SMARCAL1: variants seen among roughly 807,000 people sequenced by gnomAD.
SMARCAL1 encodes ATP-driven annealing helicase.
In SMARCAL1, 58 loss-of-function variants were observed where a neutral mutation model predicts 94.5. The ratio of observed to expected loss-of-function variants is 0.61; its 90% CI spans 0.50 to 0.76. The LOEUF is 0.76. Among genes scored for constraint, SMARCAL1 ranks in the 30% least tolerant of loss-of-function variants. SMARCAL1 has a pLI of 0.00. For missense variants in SMARCAL1, 1,051 were observed against 1,177.9 expected (o/e 0.89, Z 1.58); for synonymous variants, 422 against 455.1 (o/e 0.93, Z 0.93).
At chr2:216,462,982 A>G (rs1211349306) in intron 12 of SMARCAL1, among the ~76,000 whole-genome samples, 4 of 152,158 alleles carry the variant, frequency 2.6e-5, no homozygotes, top group Non-Finnish European at 5.9e-5. Flanking sequence ...CCCTGTCTCA[A>G]AAACAAAAAC....
Position 216,414,801 on chromosome 2 carries a change from C to T in SMARCAL1, c.97C>T (p.His33Tyr). ...RRAEKLLAEQ[H>Y]QRTSSGTSIA... ...AGCTGAGAAGTTATTGGCAGAACAGCATCAGAGGACTAGCTCGGGCACCTC... is the reference window on the plus strand; with the variant it reads ...AGCTGAGAAGTTATTGGCAGAACAGTATCAGAGGACTAGCTCGGGCACCTC... The change falls in exon 3 of 18, where the codon CAT (histidine) becomes TAT (tyrosine). Residue 33 changes from histidine (H) to tyrosine (Y), a missense_variant. This residue lies in a region of SMARCAL1 where 398 missense variants were observed against 395.2 expected (regional missense o/e 1.01). Coordinates refer to ENST00000357276, the MANE Select transcript of SMARCAL1 (RefSeq NM_014140.4). 6.2e-7 allele frequency: 1 copy of T among 1,614,216 alleles called. No homozygotes were observed. The highest frequency in any genetic ancestry group is 1.6e-4 in the Middle Eastern group (1 of 6,062).
chr2:216,428,349 T>A (rs1028509370), intron 6 of SMARCAL1, among the ~76,000 whole-genome samples: 2 of 152,194 alleles, frequency 1.3e-5, no homozygotes, highest in East Asian at 3.8e-4. Flanking sequence ...TAAAATCAGG[T>A]GAGACTACAT....
At chr2:216,479,683 C>G (rs1216933353) in intron 17 of SMARCAL1, among the ~76,000 whole-genome samples, 1 of 152,034 alleles carries the variant, frequency 6.6e-6, no homozygotes, top group Non-Finnish European at 1.5e-5. Context: ...TTAAAACAAC[C>G]TTATTTTTAA....
At chr2:216,434,325 A>G (rs1694027967) in intron 8 of SMARCAL1, among the ~76,000 whole-genome samples, 1 of 152,150 alleles carries the variant, frequency 6.6e-6, no homozygotes, top group Non-Finnish European at 1.5e-5. Flanking sequence ...AGATGCTCAG[A>G]TTGCCAGAGA....
At chr2:216,417,671 C>T (rs924887982) in intron 4 of SMARCAL1, among the ~76,000 whole-genome samples, 3 of 152,152 alleles carry the variant, frequency 2.0e-5, no homozygotes, top group East Asian at 1.9e-4. Context: ...CAACCCATAA[C>T]GCTGCTGCTG....
At chr2:216,422,043 C>A (rs1693733518) in intron 5 of SMARCAL1, among the ~76,000 whole-genome samples, 1 of 152,128 alleles carries the variant, frequency 6.6e-6, no homozygotes, top group Non-Finnish European at 1.5e-5. Flanking sequence ...AGATCCTTTG[C>A]CTTTCCTGCC....
At position 216,467,983 on chromosome 2, in the gene SMARCAL1, G is replaced by A. The variant is rs1694866311; in HGVS notation, c.2181G>A (p.Lys727=). 2 of 1,613,888 alleles carry A rather than the reference G, an allele frequency of 1.2e-6. No homozygotes were observed. Among genetic ancestry groups the A allele is most frequent in the South Asian group, 2.2e-5 (2 of 91,074 alleles). Residue 727 remains lysine (K), a synonymous_variant, in exon 14 of 18, where the codon AAG becomes AAA. Coordinates refer to ENST00000357276, the MANE Select transcript of SMARCAL1 (RefSeq NM_014140.4). ...ILDLLESGRE[K]FLVFAHHKVV... is the part of the protein sequence containing the mutation. Reference sequence around the variant, plus strand: ...ACCTACTGGAAAGTGGAAGAGAGAAGTTTTTAGTATTTGCACACCATAAGG... The same window carrying A: ...ACCTACTGGAAAGTGGAAGAGAGAAATTTTTAGTATTTGCACACCATAAGG...
chr2:216,413,608 C>T (rs1218895466), intron 1 of SMARCAL1, among the ~76,000 whole-genome samples: 1 of 151,934 alleles, frequency 6.6e-6, no homozygotes, highest in Non-Finnish European at 1.5e-5. Context: ...TTTTTGTTTA[C>T]ATCTTTATGT....
At position 216,475,399 on chromosome 2, in the gene SMARCAL1, C is replaced by G; in HGVS notation, c.2375C>G (p.Thr792Ser). 2 of 1,614,206 alleles carry G rather than the reference C, an allele frequency of 1.2e-6. No individual in the cohort carries two copies. Among genetic ancestry groups the G allele is most frequent in the Non-Finnish European group, 1.7e-6 (2 of 1,180,036 alleles). ...LSITAANMGL[T>S]FSSADLVVFA... ...ATCACCGCTGCCAATATGGGCCTCA[C>G]CTTCTCCTCGGCTGACCTGGTGGTG... Residue 792 changes from threonine (T) to serine (S), a missense_variant, in exon 15 of 18, where the codon ACC becomes AGC. Physicochemically the swap from Thr to Ser is moderately conservative, Grantham distance 58. Transcript: ENST00000357276. This position sits in a 1 kb window ranked among gnomAD's most constrained non-coding sequence, Gnocchi z 4.4.
chr2:216,446,782 A>T, intron 10 of SMARCAL1: 1 of 654,962 alleles, frequency 1.5e-6, no homozygotes. Context: ...CAGAAAAGTT[A>T]TAATTCAATG....
chr2:216,456,596 G>A (rs945057105), intron 12 of SMARCAL1, among the ~76,000 whole-genome samples: 8 of 152,082 alleles, frequency 5.3e-5, no homozygotes, highest in South Asian at 2.1e-4. Context: ...GCCAAACTAA[G>A]CTTCATAAGT....
At chr2:216,450,150 A>G (rs1574467517) in intron 11 of SMARCAL1, among the ~76,000 whole-genome samples, 3 of 152,274 alleles carry the variant, frequency 2.0e-5, no homozygotes, top group African/African-American at 7.2e-5. Flanking sequence ...GCGTCTGGCC[A>G]GTAATGGCTT....
intron 6 of SMARCAL1, chr2:216,427,070 A>G (rs1324015502): frequency 6.6e-6 from 1 of 152,256 alleles, no homozygotes; most frequent in Non-Finnish European, 1.5e-5. Context: ...CTGTCAGTCC[A>G]GAAGGGTTCT....
In SMARCAL1 at chr2:216,450,853, G is replaced by A. The variant is rs1294139623; in HGVS notation, c.1859G>A (p.Trp620Ter). The change falls in exon 12 of 18, where the codon TGG (tryptophan) becomes TAG (stop). Residue 620 changes from tryptophan to a stop codon, truncating the protein, a stop_gained. Coordinates refer to ENST00000357276, the MANE Select transcript of SMARCAL1 (RefSeq NM_014140.4). LOFTEE classifies it high-confidence loss of function. ...CTGTCTTGTTCTCTGCAGATGCCTT[G>A]GGGGTGGGACTACTCAGGTTCCTCC... The part of the protein sequence containing the change: ...LRYCDAKRMP[W>*]GWDYSGSSNL... The A allele has an allele frequency of 1.2e-6, 2 of 1,613,350 alleles. No individual in the cohort carries two copies. The highest frequency in any genetic ancestry group is 1.7e-6 in the Non-Finnish European group (2 of 1,179,620).
At chr2:216,470,561 C>T (rs750760828) in intron 14 of SMARCAL1, among the ~76,000 whole-genome samples, 94 of 151,012 alleles carry the variant, frequency 6.2e-4, no homozygotes, top group Non-Finnish European at 1.1e-3. Context: ...GAATGCTGCT[C>T]ACTGAAGCCT....
At chr2:216,437,446 G>A (rs1453147453) in intron 9 of SMARCAL1, among the ~76,000 whole-genome samples, 2 of 152,288 alleles carry the variant, frequency 1.3e-5, no homozygotes, top group East Asian at 3.9e-4. Flanking sequence ...TAAGGACAGC[G>A]TTGGGATCTC....
chr2:216,445,376 A>G (rs1694287205), intron 10 of SMARCAL1, among the ~76,000 whole-genome samples: 1 of 152,096 alleles, frequency 6.6e-6, no homozygotes, highest in Admixed American at 6.5e-5. Flanking sequence ...TTTGATGCCC[A>G]CAAACACCCA....
In SMARCAL1 at chr2:216,431,195, A is replaced by C. The variant is rs373358791; in HGVS notation, c.1335-1523A>C. Among the ~76,000 whole-genome samples, 175 of 152,336 alleles carry C rather than the reference A, an allele frequency of 1.1e-3. 1 individual carries two copies. The highest frequency in any genetic ancestry group is 1.6e-3 in the Non-Finnish European group (107 of 68,030). ...TTGCTGCCCAGTTTTCCATCTTTGGAAACGGTGTTTCCAGGCAATTCAGAA... is the reference window on the plus strand; with the variant it reads ...TTGCTGCCCAGTTTTCCATCTTTGGCAACGGTGTTTCCAGGCAATTCAGAA... On this transcript the variant is annotated intron_variant, in intron 7 of 17. Transcript: ENST00000357276.
intron 4 of SMARCAL1, 123 bp downstream of exon 4, chr2:216,416,430 C>A: frequency 7.5e-6 from 6 of 795,768 alleles, no homozygotes; most frequent in South Asian, 1.4e-5. Flanking sequence ...TCAGGGCACC[C>A]CCCCCAACAC....
Sources: gnomAD v4.1 joint callset for allele counts (sites outside exome capture counted in the v4.1 genomes callset) on GRCh38, gnomAD v4.1.1 for gene constraint, gnomAD v4.1.1 regional missense constraint, Gnocchi (gnomAD v3.1) non-coding constraint, MANE v1.5 for transcripts, NCBI Gene and HGNC (gene_info 2026-07-23, HGNC 2026-07-21) for gene names.